Variants in GTF2E1 observed in about 807,000 individuals in gnomAD.
The protein encoded by GTF2E1 is general transcription factor IIE subunit 1, also known as TFIIE alpha subunit.
In GTF2E1, 14 loss-of-function variants were observed where a neutral mutation model predicts 34.9. The observed-to-expected ratio is 0.40, with a 90% CI of 0.27 to 0.63. GTF2E1 has a LOEUF of 0.63. GTF2E1 is among the 20% of genes least tolerant of loss of function. GTF2E1 has a pLI of 0.39. For synonymous variants in GTF2E1, 188 were observed against 192.9 expected (o/e 0.97, Z 0.21); for missense variants, 469 against 557.7 (o/e 0.84, Z 1.60).
chr3:120,745,984 C>T (rs186797514), intron 1 of GTF2E1, among the ~76,000 whole-genome samples: 54 of 152,212 alleles, frequency 3.5e-4, no homozygotes, highest in African/African-American at 1.3e-3. Flanking sequence ...GTAGTCATAC[C>T]TGAGTATTTA....
chr3:120,750,525 T>C lies in GTF2E1; in HGVS notation c.-28T>C. On this transcript the variant is annotated splice_region_variant and 5_prime_UTR_variant, in exon 2 of 5. Transcript: ENST00000283875. Reference sequence around the variant, plus strand: ...TTTCTGTTTTTTTTTGAATTCAGTATATTTAAAGTTGGAGTTCGTTGCTAA... The same window carrying C: ...TTTCTGTTTTTTTTTGAATTCAGTACATTTAAAGTTGGAGTTCGTTGCTAA... The C allele has an allele frequency of 1.3e-6, 2 of 1,555,694 alleles. No individual in the cohort carries two copies. The highest frequency in any genetic ancestry group is 1.1e-5 in the South Asian group (1 of 88,196).
At chr3:120,744,601 A>G (rs1576354073) in intron 1 of GTF2E1, among the ~76,000 whole-genome samples, 1 of 151,152 alleles carries the variant, frequency 6.6e-6, no homozygotes, top group Non-Finnish European at 1.5e-5. Context: ...GATTTTTCCT[A>G]CTCTCATATT....
At chr3:120,776,066 A>T (rs1709396121) in intron 3 of GTF2E1, among the ~76,000 whole-genome samples, 1 of 152,092 alleles carries the variant, frequency 6.6e-6, no homozygotes, top group South Asian at 2.1e-4. Flanking sequence ...ACTGGGAGAG[A>T]TTTTTGTCAG....
intron 1 of GTF2E1, among the ~76,000 whole-genome samples, chr3:120,749,109 G>T (rs1309475347): frequency 2.0e-5 from 3 of 152,194 alleles, no homozygotes; most frequent in Non-Finnish European, 2.9e-5. Flanking sequence ...TTTGTGTCCT[G>T]AGACTTTTTG....
intron 2 of GTF2E1, among the ~76,000 whole-genome samples, chr3:120,766,420 T>A (rs1163060730): frequency 6.6e-6 from 1 of 152,180 alleles, no homozygotes; most frequent in Non-Finnish European, 1.5e-5. Context: ...AGCTTATCAT[T>A]CAAGACCAAT....
chr3:120,775,029 G>T (rs1156381191), intron 3 of GTF2E1, among the ~76,000 whole-genome samples: 1 of 152,126 alleles, frequency 6.6e-6, no homozygotes, highest in Admixed American at 6.6e-5. Flanking sequence ...CCAGAGGATG[G>T]TCAGAAACAC....
chr3:120,765,167 A>G (rs1163546638), intron 2 of GTF2E1, among the ~76,000 whole-genome samples: 1 of 151,684 alleles, frequency 6.6e-6, no homozygotes, highest in Non-Finnish European at 1.5e-5. Context: ...TTAGGTCTCC[A>G]TTTCTTTTCT....
intron 1 of GTF2E1, among the ~76,000 whole-genome samples, chr3:120,745,682 A>C (rs1027719737): frequency 6.6e-6 from 1 of 152,248 alleles, no homozygotes; most frequent in Non-Finnish European, 1.5e-5. Flanking sequence ...ATAATCCTGG[A>C]AACAGGTTAT....
At chr3:120,762,488 T>C (rs1264416840) in intron 2 of GTF2E1, among the ~76,000 whole-genome samples, 5 of 152,258 alleles carry the variant, frequency 3.3e-5, no homozygotes, top group Non-Finnish European at 4.4e-5. Flanking sequence ...TTGTCTCTTT[T>C]GATGCAAAGT....
At chr3:120,759,452 A>G (rs528320073) in intron 2 of GTF2E1, among the ~76,000 whole-genome samples, 2 of 152,112 alleles carry the variant, frequency 1.3e-5, no homozygotes, top group East Asian at 3.9e-4. Flanking sequence ...ATTAGATTCC[A>G]TTTGTCTATT....
chr3:120,754,547 T>C (rs1472494528), intron 2 of GTF2E1, among the ~76,000 whole-genome samples: 1 of 152,130 alleles, frequency 6.6e-6, no homozygotes, highest in East Asian at 1.9e-4. Context: ...AATACCTTTG[T>C]ATATATAGCA....
intron 1 of GTF2E1, among the ~76,000 whole-genome samples, chr3:120,747,869 G>T (rs1709121852): frequency 6.6e-6 from 1 of 152,362 alleles, no homozygotes; most frequent in Middle Eastern, 3.4e-3. Context: ...CAACAACAGT[G>T]TAAAAGTCTG....
Position 120,742,755 on chromosome 3 carries a change from TG to T in GTF2E1, c.-65del, listed in dbSNP as rs1709066235. On this transcript the variant is annotated 5_prime_UTR_variant, in exon 1 of 5. Transcript: ENST00000283875. The stretch of plus-strand genomic sequence containing the variant: ...TCATTTAAGCCGGTAGTTGAAGCGC[TG>T]GGGGCAGCTGTAGTGGGAGTGTTCC... 2 of 553,050 alleles carry T rather than the reference TG, an allele frequency of 3.6e-6. No individual in the cohort carries two copies. The highest frequency in any genetic ancestry group is 1.9e-5 in the African/African-American group (1 of 52,786). The allele number at this position is 553,050 out of a possible 1,614,324, so 34.3% of individuals were successfully genotyped here.
At position 120,750,592 on chromosome 3, in the gene GTF2E1, T is replaced by C. The variant is rs757753966; in HGVS notation, c.40T>C (p.Leu14=). 22 of 1,613,762 alleles carry C rather than the reference T, an allele frequency of 1.4e-5. No homozygotes were observed. The South Asian group carries it at 1.8e-4, about 13-fold the overall frequency. ...PDVLTEVPAA[L]KRLAKYVIRG... ...TGTCCTCACTGAAGTTCCAGCAGCA[T>C]TGAAGCGGTTAGCCAAGTATGTGAT... is the stretch of plus-strand genomic sequence containing the variant. Residue 14 remains leucine (L), a synonymous_variant, in exon 2 of 5, where the codon TTG becomes CTG. Transcript: ENST00000283875.
chr3:120,744,757 C>T (rs1207833477), intron 1 of GTF2E1, among the ~76,000 whole-genome samples: 1 of 152,124 alleles, frequency 6.6e-6, no homozygotes, highest in Non-Finnish European at 1.5e-5. Flanking sequence ...CCTTCACTCA[C>T]TTGAGTCCGT....
chr3:120,776,396 C>T, intron 3 of GTF2E1, 27 bp from the exon 4 acceptor site: 1 of 1,591,258 alleles, frequency 6.3e-7, no homozygotes, highest in African/African-American at 1.4e-5. Flanking sequence ...TTTCTTCTTC[C>T]TGTACTCCTC....
rs35658998 is a variant in GTF2E1, at chr3:120,761,786, A to ATT, written c.449-8921_449-8920dup. Among the ~76,000 whole-genome samples the ATT allele has an allele frequency of 3.1e-3, 368 of 120,110 alleles. 1 individual carries two copies. Among genetic ancestry groups the ATT allele is most frequent in the South Asian group, 4.1e-3 (16 of 3,874 alleles). The allele number at this position is 120,110 out of a possible 152,430, so 78.8% of individuals were successfully genotyped here. A position where few individuals can be genotyped will look rare whatever the true frequency, so the allele number is the denominator to read the frequency against. The stretch of plus-strand genomic sequence containing the variant: ...TTGATTACACTGTGGTCTGAGAGAC[A>ATT]TTTTTTTTTTTTTTTTTTTTTTGAG... On this transcript the variant is annotated intron_variant, in intron 2 of 4. Transcript: ENST00000283875.
intron 1 of GTF2E1, among the ~76,000 whole-genome samples, chr3:120,749,430 C>G (rs1709142784): frequency 6.6e-6 from 1 of 152,144 alleles, no homozygotes; most frequent in Non-Finnish European, 1.5e-5. Context: ...TACGTCCCAT[C>G]AATACCTAAC....
rs1257011076 is a variant in GTF2E1, at chr3:120,781,485, T to C, written c.*15T>C. 2 of 1,590,340 alleles carry C rather than the reference T, an allele frequency of 1.3e-6. No individual in the cohort carries two copies. The highest frequency in any genetic ancestry group is 1.7e-6 in the Non-Finnish European group (2 of 1,159,784). On this transcript the variant is annotated 3_prime_UTR_variant, in exon 5 of 5. Coordinates refer to ENST00000283875, the MANE Select transcript of GTF2E1 (RefSeq NM_005513.3). ...TCTTTGAGTGAGCTTTCCCTAATTC[T>C]TTCTCCTTTCTCTAATGCTCAGTTC...
Sources: allele counts gnomAD v4.1 joint callset (sites outside exome capture counted in the v4.1 genomes callset), GRCh38; gene constraint gnomAD v4.1.1; transcripts MANE v1.5; gene names NCBI Gene and HGNC (gene_info 2026-07-23, HGNC 2026-07-21).